Variants in KCNN3 observed in about 807,000 individuals in gnomAD.
The protein encoded by KCNN3 is potassium calcium-activated channel subfamily N member 3.
Under a neutral mutation model 62.9 loss-of-function variants are expected in KCNN3, and 16 were observed. That is an observed-to-expected ratio of 0.25 (90% CI 0.17 to 0.39). The LOEUF is 0.39. Ranked by LOEUF, KCNN3 falls within the 10% of genes least tolerant of loss-of-function variation. The pLI is 1.00. For synonymous variants in KCNN3, 370 were observed against 389.2 expected, an observed-to-expected ratio of 0.95 and a Z score of 0.58; for missense variants, 599 against 949.4, an observed-to-expected ratio of 0.63 and a Z score of 4.85.
intron 1 of KCNN3, among the ~76,000 whole-genome samples, chr1:154,823,832 A>G (rs1651000421): frequency 6.6e-6 from 1 of 152,130 alleles, no homozygotes; most frequent in Non-Finnish European, 1.5e-5. Context: ...TATGTCCAAT[A>G]TGGCAACCAC....
In KCNN3 at chr1:154,869,452, C is replaced by T. The variant is rs760220645; in HGVS notation, c.513G>A (p.Thr171=). The change falls in exon 1 of 8, where the codon ACG becomes ACA. Residue 171 remains threonine (T), a synonymous_variant. Transcript: ENST00000271915. The surrounding 1 kb of genome is among the most constrained non-coding windows in gnomAD (Gnocchi z 6.1). The stretch of plus-strand genomic sequence containing the variant: ...ACTTGCAGGAGCTCATGGCGATCTC[C>T]GTGAAGGGGTTGCTGTCCCGCCGGT... ...LVHRRDSNPF[T]EIAMSSCKYS... 10 of 1,613,950 alleles carry T rather than the reference C, an allele frequency of 6.2e-6. No individual in the cohort carries two copies. In the African/African-American group the frequency reaches 1.1e-4, roughly 17 times the overall value.
At chr1:154,845,075 A>AT (rs1158356323) in intron 1 of KCNN3, among the ~76,000 whole-genome samples, 1 of 151,894 alleles carries the variant, frequency 6.6e-6, no homozygotes, top group East Asian at 1.9e-4. Flanking sequence ...GGCTCTCTGT[A>AT]TTTTTTCCAC....
chr1:154,761,639 T>C (rs1487963662), intron 3 of KCNN3, among the ~76,000 whole-genome samples: 1 of 151,442 alleles, frequency 6.6e-6, no homozygotes, highest in Non-Finnish European at 1.5e-5. Flanking sequence ...ACTGTAATTT[T>C]CAAAAGATTG....
chr1:154,710,773 C>A (rs567879902), intron 7 of KCNN3, among the ~76,000 whole-genome samples: 202 of 152,254 alleles, frequency 1.3e-3, no homozygotes, highest in African/African-American at 4.5e-3. Flanking sequence ...CAGAGAAATG[C>A]AAATCAAAAC....
At chr1:154,733,476 T>C (rs569857566) in intron 3 of KCNN3, among the ~76,000 whole-genome samples, 9 of 152,242 alleles carry the variant, frequency 5.9e-5, no homozygotes, top group Admixed American at 2.0e-4. Context: ...ATTCAAATTT[T>C]CCCTTCCAAG....
intron 3 of KCNN3, among the ~76,000 whole-genome samples, chr1:154,742,300 T>C (rs1423617785): frequency 6.6e-6 from 1 of 152,206 alleles, no homozygotes; most frequent in Non-Finnish European, 1.5e-5. Flanking sequence ...ACCATCCACC[T>C]ACTGCCCACA....
chr1:154,818,176 G>C lies in KCNN3; in HGVS notation c.1029+3913C>G, dbSNP rs370371630. On this transcript the variant is annotated intron_variant, in intron 2 of 7. Coordinates refer to ENST00000271915, the MANE Select transcript of KCNN3 (RefSeq NM_002249.6). ...AGGTGCCTGAGTCTTTGAAAGGTCC[G>C]TGCTCCAAAACGCCAACAGAGAGGG... Among the ~76,000 whole-genome samples, 19 of 152,292 alleles carry C rather than the reference G, an allele frequency of 1.2e-4. No individual in the cohort carries two copies. The East Asian group carries it at 3.7e-3, about 29-fold the overall frequency.
At chr1:154,796,471 C>T (rs532716997) in intron 2 of KCNN3, among the ~76,000 whole-genome samples, 3 of 152,280 alleles carry the variant, frequency 2.0e-5, no homozygotes, top group East Asian at 1.9e-4. Flanking sequence ...TACACACGCA[C>T]GTACAGACAT....
At chr1:154,765,797 T>C (rs2878375) in intron 3 of KCNN3, among the ~76,000 whole-genome samples, 2 of 135,414 alleles carry the variant, frequency 1.5e-5, no homozygotes, top group African/African-American at 2.7e-5. Flanking sequence ...TTTTTTTTGG[T>C]TTTTTTTTGT....
chr1:154,726,124 C>T, intron 4 of KCNN3, 98 bp from the exon 5 acceptor site: 1 of 851,472 alleles, frequency 1.2e-6, no homozygotes, highest in Non-Finnish European at 1.9e-6. Flanking sequence ...GGGTAATTTC[C>T]TGGGAGTGGA....
At chr1:154,732,150 C>T (rs1322474823) in intron 4 of KCNN3, among the ~76,000 whole-genome samples, 2 of 152,232 alleles carry the variant, frequency 1.3e-5, no homozygotes, top group African/African-American at 2.4e-5. Flanking sequence ...GGCCCTCCAT[C>T]TCCACTTTCC....
At chr1:154,763,329 G>A (rs1648108893) in intron 3 of KCNN3, among the ~76,000 whole-genome samples, 1 of 151,838 alleles carries the variant, frequency 6.6e-6, no homozygotes, top group South Asian at 2.1e-4. Flanking sequence ...GGTTTGTTTT[G>A]TTCTTCTAAT....
Position 154,862,544 on chromosome 1 carries a change from C to G in KCNN3, c.933+6488G>C, listed in dbSNP as rs1321937466. ...GGGGTGCTAGGGGCTGTGGAAGGAG[C>G]TTTTGCAGGAAGGGCTTTCATTTTC... is the stretch of plus-strand genomic sequence containing the variant. On this transcript the variant is annotated intron_variant, in intron 1 of 7. Transcript: ENST00000271915. This position sits in a 1 kb window ranked among gnomAD's most constrained non-coding sequence, Gnocchi z 4.1. Among the ~76,000 whole-genome samples, 1 of 152,064 alleles carries G rather than the reference C, an allele frequency of 6.6e-6. No homozygotes were observed. Among genetic ancestry groups the G allele is most frequent in the Admixed American group, 6.6e-5 (1 of 15,260 alleles).
intron 1 of KCNN3, among the ~76,000 whole-genome samples, chr1:154,826,465 A>T (rs1651135191): frequency 6.6e-6 from 1 of 151,478 alleles, no homozygotes; most frequent in Admixed American, 6.6e-5. Context: ...GTCCAAGGGC[A>T]TGTTACCTAA....
At chr1:154,843,603 C>T (rs1651924882) in intron 1 of KCNN3, among the ~76,000 whole-genome samples, 2 of 152,174 alleles carry the variant, frequency 1.3e-5, no homozygotes, top group African/African-American at 4.8e-5. Context: ...AGCGAGTATG[C>T]AGGGAGGCTG....
intron 2 of KCNN3, among the ~76,000 whole-genome samples, chr1:154,796,006 G>A (rs571851462): frequency 2.4e-4 from 36 of 152,340 alleles, no homozygotes; most frequent in African/African-American, 8.2e-4. Context: ...AAGGTCCAGT[G>A]TGTGTGTCTG....
At chr1:154,837,597 C>A (rs1166021371) in intron 1 of KCNN3, among the ~76,000 whole-genome samples, 1 of 152,166 alleles carries the variant, frequency 6.6e-6, no homozygotes, top group Non-Finnish European at 1.5e-5. Context: ...GAAAACCTGG[C>A]TTTCCACCCA....
At chr1:154,773,689 GC>G (rs904088173) in intron 2 of KCNN3, among the ~76,000 whole-genome samples, 3 of 152,230 alleles carry the variant, frequency 2.0e-5, no homozygotes, top group Non-Finnish European at 4.4e-5. Context: ...TCTATGTTGA[GC>G]CACTTCCCAA....
intron 1 of KCNN3, among the ~76,000 whole-genome samples, chr1:154,822,572 A>G (rs1571310675): frequency 6.6e-6 from 1 of 152,350 alleles, no homozygotes; most frequent in South Asian, 2.1e-4. Context: ...CCGCTATTAC[A>G]TGGTTTGGGC....
Sources: allele counts gnomAD v4.1 joint callset (sites outside exome capture counted in the v4.1 genomes callset), GRCh38; gene constraint gnomAD v4.1.1; non-coding constraint Gnocchi (gnomAD v3.1); transcripts MANE v1.5; gene names NCBI Gene and HGNC (gene_info 2026-07-23, HGNC 2026-07-21).